The following OPRM1 variants were observed in gnomAD, a reference collection of about 807,000 sequenced individuals.
OPRM1 encodes opioid receptor mu 1.
In OPRM1, 27 loss-of-function variants were observed where a neutral mutation model predicts 31.8. The ratio of observed to expected loss-of-function variants is 0.85; its 90% confidence interval spans 0.63 to 1.17. The LOEUF (loss-of-function observed/expected upper bound fraction) is 1.17. Ranked by LOEUF, OPRM1 falls within the 50% of genes most tolerant of loss-of-function variation. The pLI is 0.00. For synonymous variants in OPRM1, 196 were observed against 189.9 expected (o/e 1.03, Z -0.26); for missense variants, 536 against 511.1 (o/e 1.05, Z -0.47).
chr6:154,038,428 C>G (rs1215211945), upstream of OPRM1, among the ~76,000 whole-genome samples: 1 of 152,098 alleles, frequency 6.6e-6, no homozygotes, highest in Non-Finnish European at 1.5e-5. Flanking sequence ...AAAAACGTAT[C>G]CATGTTTCTC....
chr6:154,089,860 A>T lies in OPRM1; in HGVS notation c.325A>T (p.Ile109Phe). ...GATGAAGACTGCCACCAACATCTAC[A>T]TTTTCAACCTTGCTCTGGCAGATGC... is the stretch of plus-strand genomic sequence containing the variant. ...TKMKTATNIY[I>F]FNLALADALA... The change falls in exon 2 of 4, where the codon ATT becomes TTT. Residue 109 changes from isoleucine (I) to phenylalanine (F), a missense_variant. Ile to Phe is a conservative substitution (Grantham distance 21). Coordinates refer to ENST00000330432, the MANE Select transcript of OPRM1 (RefSeq NM_000914.5). 3 of 1,613,820 alleles carry T rather than the reference A, an allele frequency of 1.9e-6. No homozygotes were observed. The East Asian group carries it at 6.7e-5, about 36-fold the overall frequency.
chr6:154,048,523 A>G (rs944638114), intron 1 of OPRM1, among the ~76,000 whole-genome samples: 4 of 152,228 alleles, frequency 2.6e-5, no homozygotes, highest in South Asian at 2.1e-4. Flanking sequence ...GACTTGAACT[A>G]TATCTATCTC....
intron 3 of OPRM1, among the ~76,000 whole-genome samples, chr6:154,174,712 C>G (rs959770815): frequency 6.6e-6 from 1 of 152,222 alleles, no homozygotes; most frequent in Middle Eastern, 3.4e-3. Context: ...GACTCTCACA[C>G]AATAATAATG....
At chr6:154,014,764 A>G (rs1340221948) in intron 1 of OPRM1, among the ~76,000 whole-genome samples, 2 of 152,156 alleles carry the variant, frequency 1.3e-5, no homozygotes, top group Non-Finnish European at 2.9e-5. Flanking sequence ...GAAGTTATGT[A>G]TCCCCATGCA....
chr6:154,067,418 AAG>A (rs1262090113), intron 1 of OPRM1, among the ~76,000 whole-genome samples: 6 of 151,686 alleles, frequency 4.0e-5, no homozygotes, highest in Non-Finnish European at 8.8e-5. Flanking sequence ...TTGTTTATTT[AAG>A]AGTGTTCTTA....
intron 3 of OPRM1, among the ~76,000 whole-genome samples, chr6:154,232,978 T>A (rs1320149248): frequency 1.3e-4 from 19 of 151,190 alleles, no homozygotes; most frequent in Admixed American, 1.2e-3. Flanking sequence ...TCTTTTTTTT[T>A]TTTTTTTGAG....
At chr6:154,220,282 T>G (rs1778758444) in intron 3 of OPRM1, among the ~76,000 whole-genome samples, 1 of 152,124 alleles carries the variant, frequency 6.6e-6, no homozygotes, top group South Asian at 2.1e-4. Context: ...TAAGAGACAC[T>G]AAGAATTCTG....
chr6:154,045,792 C>T (rs1021986700), intron 1 of OPRM1, among the ~76,000 whole-genome samples: 1 of 152,164 alleles, frequency 6.6e-6, no homozygotes, highest in South Asian at 2.1e-4. Context: ...CACAAAGGCA[C>T]TATTTGGAAG....
intron 3 of OPRM1, among the ~76,000 whole-genome samples, chr6:154,152,277 AG>A: frequency 7.5e-6 from 1 of 133,164 alleles, no homozygotes; most frequent in South Asian, 2.1e-4. Flanking sequence ...GAAAAAGAAA[AG>A]GAAAGAAAAG....
intron 1 of OPRM1, among the ~76,000 whole-genome samples, chr6:154,019,938 T>C (rs1778263055): frequency 6.6e-6 from 1 of 152,086 alleles, no homozygotes; most frequent in Non-Finnish European, 1.5e-5. Flanking sequence ...TTCACCATGT[T>C]GGCCAGGGTC....
intron 3 of OPRM1, among the ~76,000 whole-genome samples, chr6:154,152,340 A>G (rs1487013228): frequency 2.0e-4 from 2 of 9,814 alleles, no homozygotes; most frequent in African/African-American, 4.7e-4. Flanking sequence ...AGAAAGAAAG[A>G]AAGAAAGGAA....
At chr6:154,107,518 C>T (rs1389206491) in intron 3 of OPRM1, 6 of 718,566 alleles carry the variant, frequency 8.3e-6, no homozygotes, top group South Asian at 4.4e-5. Flanking sequence ...GGCCACTGAG[C>T]TACAATGCAG....
intron 3 of OPRM1, among the ~76,000 whole-genome samples, chr6:154,187,837 T>G (rs1362371000): frequency 6.6e-6 from 1 of 152,246 alleles, no homozygotes; most frequent in African/African-American, 2.4e-5. Context: ...GGTATTTTTC[T>G]TCTTCCATAA....
At position 154,129,248 on chromosome 6, in the gene OPRM1, A is replaced by G. The variant is rs565079550; in HGVS notation, c.*10527A>G. The stretch of plus-strand genomic sequence containing the variant: ...CATGCACCGGTGGTCTGGGAGGAAC[A>G]GAACAGGACAGGGAGTTCTTCTATA... On this transcript the variant is annotated 3_prime_UTR_variant, in exon 4 of 4. Transcript: ENST00000330432. Among the ~76,000 whole-genome samples, 141 of 152,328 alleles carry G rather than the reference A, an allele frequency of 9.3e-4. No homozygotes were observed. Among genetic ancestry groups the G allele is most frequent in the Non-Finnish European group, 1.7e-3 (119 of 68,034 alleles).
At chr6:154,047,118 C>T (rs1032588078) in intron 1 of OPRM1, among the ~76,000 whole-genome samples, 17 of 152,136 alleles carry the variant, frequency 1.1e-4, no homozygotes, top group African/African-American at 3.9e-4. Flanking sequence ...TCATATGCTT[C>T]GAGAGTACAG....
chr6:154,183,842 G>T (rs1432490335), intron 3 of OPRM1, among the ~76,000 whole-genome samples: 1 of 151,860 alleles, frequency 6.6e-6, no homozygotes, highest in African/African-American at 2.4e-5. Context: ...GTGAACCGAG[G>T]TCATGCCACT....
chr6:154,039,936 GA>G, intron 1 of OPRM1, 102 bp downstream of exon 1: 1 of 1,095,928 alleles, frequency 9.1e-7, no homozygotes, highest in Non-Finnish European at 1.3e-6. Context: ...GAGGATGAAA[GA>G]GGGGAGGTAA....
intron 3 of OPRM1, among the ~76,000 whole-genome samples, chr6:154,105,319 A>C (rs1795417084): frequency 1.3e-5 from 2 of 152,232 alleles, no homozygotes; most frequent in Non-Finnish European, 2.9e-5. Context: ...TCTGAAAAAC[A>C]AAACAAAGGA....
intron 3 of OPRM1, among the ~76,000 whole-genome samples, chr6:154,180,414 A>ATATATATATATATATT (rs1241250621): frequency 1.5e-5 from 1 of 65,268 alleles, no homozygotes; most frequent in Non-Finnish European, 3.6e-5. Flanking sequence ...ATATATATAT[A>ATATATATATATATATT]TTTTTTTTTT....
Sources: allele counts gnomAD v4.1 joint callset (sites outside exome capture counted in the v4.1 genomes callset), GRCh38; gene constraint gnomAD v4.1.1; transcripts MANE v1.5; gene names NCBI Gene and HGNC (gene_info 2026-07-23, HGNC 2026-07-21).